Variants in NKTR observed in about 807,000 individuals in gnomAD.
The protein encoded by NKTR is NK-tumor recognition protein.
A neutral mutation model predicts 156.3 loss-of-function variants in NKTR; 67 were observed. That is an observed-to-expected ratio of 0.43 (90% CI 0.35 to 0.53). The LOEUF (loss-of-function observed/expected upper bound fraction) is 0.53, where lower values mean the gene tolerates loss of function less well. NKTR is among the 20% of genes least tolerant of loss of function. The pLI, the probability that NKTR is intolerant of heterozygous loss-of-function variation, is 0.01. For synonymous variants in NKTR, 640 were observed against 596.6 expected (o/e 1.07, Z -1.06); for missense variants, 1,604 against 1,730.9 (o/e 0.93, Z 1.30).
intron 2 of NKTR, among the ~76,000 whole-genome samples, chr3:42,612,102 TA>T (rs1472299764): frequency 6.6e-6 from 1 of 152,186 alleles, no homozygotes; most frequent in Non-Finnish European, 1.5e-5. Flanking sequence ...CTCTGTCTCT[TA>T]AAAAATAAAA....
rs1709144483 is a variant in NKTR, at chr3:42,633,897, G to A, written c.929+162G>A. Among the ~76,000 whole-genome samples, 3 of 152,174 alleles carry A rather than the reference G, an allele frequency of 2.0e-5. 1 individual carries two copies. The highest frequency in any genetic ancestry group is 1.5e-5 in the Non-Finnish European group (1 of 68,040). On this transcript the variant is annotated intron_variant, in intron 10 of 16. Transcript: ENST00000232978. ...AATGAATGATACGTAGGAAATATGG[G>A]GGATACCAGATTATTGAGTGATATG...
intron 13 of NKTR, among the ~76,000 whole-genome samples, chr3:42,641,749 G>A (rs1324225867): frequency 1.3e-5 from 2 of 151,866 alleles, no homozygotes; most frequent in Admixed American, 6.6e-5. Flanking sequence ...GTGGTAGTGC[G>A]TGTCTGTAAT....
chr3:42,600,991 C>T lies in NKTR; in HGVS notation c.-16C>T, dbSNP rs780186182. On this transcript the variant is annotated 5_prime_UTR_variant, in exon 2 of 17. Coordinates refer to ENST00000232978, the MANE Select transcript of NKTR (RefSeq NM_005385.4). ...TCTCCCCCTCTCTCCCAGCTCTTGC[C>T]GCCACCTCGGTCGCGATGGGGGCGC... 62 of 1,555,286 alleles carry T rather than the reference C, an allele frequency of 4.0e-5. No homozygotes were observed. In the South Asian group the frequency reaches 6.5e-4, roughly 16 times the overall value.
chr3:42,639,774 C>A, intron 13 of NKTR, 24 bp downstream of exon 13: 3 of 1,500,154 alleles, frequency 2.0e-6, no homozygotes, highest in Non-Finnish European at 2.7e-6. Context: ...TCTTTCCTTT[C>A]TTCTCCCAAG....
intron 12 of NKTR, among the ~76,000 whole-genome samples, chr3:42,635,699 C>T (rs1259203928): frequency 1.3e-5 from 2 of 151,556 alleles, no homozygotes; most frequent in African/African-American, 4.9e-5. Flanking sequence ...GCAGGCGGAT[C>T]ACGAGGTCAG....
chr3:42,638,153 C>G lies in NKTR; in HGVS notation c.2449C>G (p.Gln817Glu), dbSNP rs1486984827. ...YSSDSEQSSV[Q>E]ATQSAQEKEK... ...TTCAGACAGTGAGCAGTCAAGTGTTCAGGCCACACAGTCAGCCCAGGAAAA... is the reference window on the plus strand; with the variant it reads ...TTCAGACAGTGAGCAGTCAAGTGTTGAGGCCACACAGTCAGCCCAGGAAAA... The change falls in exon 13 of 17, where the codon CAG becomes GAG. Residue 817 changes from glutamine (Q) to glutamate (E), a missense_variant. Gln to Glu is a conservative substitution (Grantham distance 29). Coordinates refer to ENST00000232978, the MANE Select transcript of NKTR (RefSeq NM_005385.4). The G allele has an allele frequency of 1.9e-6, 3 of 1,612,920 alleles. No homozygotes were observed. Among genetic ancestry groups the G allele is most frequent in the Middle Eastern group, 3.3e-4 (2 of 6,050 alleles).
chr3:42,614,472 C>T (rs1050524088), intron 2 of NKTR, among the ~76,000 whole-genome samples: 38 of 149,808 alleles, frequency 2.5e-4, no homozygotes, highest in African/African-American at 9.4e-4. Flanking sequence ...AGAATATTGT[C>T]TATTTTGAGT....
At chr3:42,606,516 T>A (rs1234437200) in intron 2 of NKTR, among the ~76,000 whole-genome samples, 2 of 152,146 alleles carry the variant, frequency 1.3e-5, no homozygotes, top group Non-Finnish European at 2.9e-5. Context: ...AGAGATTGTA[T>A]CTTAAAGTCC....
chr3:42,633,951 G>C (rs963061357), intron 10 of NKTR, among the ~76,000 whole-genome samples: 2 of 152,168 alleles, frequency 1.3e-5, no homozygotes, highest in Non-Finnish European at 1.5e-5. Flanking sequence ...TCACATTCTA[G>C]CAGGGAGAGG....
chr3:42,612,782 T>G (rs887034907), intron 2 of NKTR, among the ~76,000 whole-genome samples: 2 of 152,182 alleles, frequency 1.3e-5, no homozygotes, highest in African/African-American at 2.4e-5. Flanking sequence ...GAAGCTGGTC[T>G]TCTTTCTTTT....
intron 7 of NKTR, 178 bp from the exon 8 acceptor site, chr3:42,630,981 AGTTTGCATAATC>A: frequency 2.1e-6 from 3 of 1,415,020 alleles, no homozygotes; most frequent in Non-Finnish European, 2.8e-6. Flanking sequence ...ACTGAGGCCC[AGTTTGCATAATC>A]GTTTCCTTTT....
Position 42,638,056 on chromosome 3 carries a change from A to G in NKTR, c.2352A>G (p.Lys784=). The change falls in exon 13 of 17, where the codon AAA becomes AAG. Residue 784 remains lysine (K), a synonymous_variant. Transcript: ENST00000232978. ...SSSSEKTLHS[K]YVKGRDRSSC... is the part of the protein sequence containing the mutation. ...GCTCTGAAAAGACACTTCACAGTAA[A>G]TATGTCAAAGGTAGAGACAGGTCTT... 6.2e-7 allele frequency: 1 copy of G among 1,614,210 alleles called. No homozygotes were observed.
At chr3:42,630,955 G>C (rs1272539127) in intron 7 of NKTR, 2 of 1,407,604 alleles carry the variant, frequency 1.4e-6, no homozygotes, top group East Asian at 5.2e-5. Flanking sequence ...AAGAACCATT[G>C]TTTTAAAGGC....
chr3:42,619,294 C>A, intron 4 of NKTR, 167 bp downstream of exon 4: 1 of 1,407,234 alleles, frequency 7.1e-7, no homozygotes, highest in Non-Finnish European at 9.2e-7. Context: ...TATGAAAAAG[C>A]AAAGTACCAC....
In NKTR at chr3:42,637,201, C is replaced by T. The variant is rs1302768510; in HGVS notation, c.1497C>T (p.Asp499=). ...SLSSHHSSKR[D]WSKSDKDVQS... is the part of the protein sequence containing the mutation. ...CATCTCATCACTCATCAAAGAGAGA[C>T]TGGTCTAAATCTGATAAGGATGTCC... is the stretch of plus-strand genomic sequence containing the variant. Residue 499 remains aspartate (D), a synonymous_variant, in exon 13 of 17, where the codon GAC becomes GAT. Coordinates refer to ENST00000232978, the MANE Select transcript of NKTR (RefSeq NM_005385.4). The T allele has an allele frequency of 6.2e-7, 1 of 1,612,118 alleles. No individual in the cohort carries two copies. The highest frequency in any genetic ancestry group is 8.5e-7 in the Non-Finnish European group (1 of 1,179,506).
chr3:42,618,997 C>CT (rs10712209), intron 3 of NKTR, 23 bp from the exon 4 acceptor site: 91,147 of 1,342,202 alleles, frequency 0.068, 153 homozygotes, highest in African/African-American at 0.09. Context: ...AACTTCATTT[C>CT]TTTTTTTTTT....
At chr3:42,631,418 C>CCTTG in intron 8 of NKTR, 102 bp downstream of exon 8, 1 of 1,281,862 alleles carries the variant, frequency 7.8e-7, no homozygotes, top group Non-Finnish European at 1.1e-6. Flanking sequence ...TAGCAATAGC[C>CCTTG]CTTGGTGCCC....
intron 8 of NKTR, among the ~76,000 whole-genome samples, chr3:42,631,751 C>T (rs1708924638): frequency 6.6e-6 from 1 of 152,162 alleles, no homozygotes; most frequent in South Asian, 2.1e-4. Flanking sequence ...TCATCCAAAG[C>T]AGAAGTCTTT....
chr3:42,617,771 A>T (rs561075798), intron 3 of NKTR, 127 bp downstream of exon 3: 1 of 564,032 alleles, frequency 1.8e-6, no homozygotes, highest in Non-Finnish European at 3.1e-6. Context: ...AAAAAAAAAG[A>T]GTTACTTATA....
Sources: gnomAD v4.1 joint callset for allele counts (sites outside exome capture counted in the v4.1 genomes callset) on GRCh38, gnomAD v4.1.1 for gene constraint, MANE v1.5 for transcripts, NCBI Gene and HGNC (gene_info 2026-07-23, HGNC 2026-07-21) for gene names.